Variants in RAB21 observed in about 807,000 individuals in gnomAD.
RAB21 encodes the protein RAB21, member RAS oncogene family.
Under a neutral mutation model 33.1 loss-of-function variants are expected in RAB21, and 13 were observed. The ratio of observed to expected loss-of-function variants is 0.39; its 90% CI spans 0.26 to 0.62. The LOEUF (loss-of-function observed/expected upper bound fraction) is 0.62. Ranked by LOEUF, RAB21 falls within the 20% of genes least tolerant of loss-of-function variation. The pLI is 0.48. For missense variants in RAB21, 234 were observed against 279.1 expected (o/e 0.84, Z 1.15); for synonymous variants, 91 against 103.7 (o/e 0.88, Z 0.74).
chr12:71,782,928 G>A (rs934606991), intron 6 of RAB21, among the ~76,000 whole-genome samples: 4 of 152,018 alleles, frequency 2.6e-5, no homozygotes, highest in African/African-American at 4.8e-5. Flanking sequence ...AGTATTAAAA[G>A]TGGAAGGGGA....
In RAB21 at chr12:71,786,396, T is replaced by C. The variant is rs1449177214; in HGVS notation, c.*723T>C. The stretch of plus-strand genomic sequence containing the variant: ...CCTTTGTATTTTGTGGTAGTTGAAA[T>C]TGTATCACTTCTAAACAGCAAACTG... On this transcript the variant is annotated 3_prime_UTR_variant, in exon 7 of 7. Coordinates refer to ENST00000261263, the MANE Select transcript of RAB21 (RefSeq NM_014999.4). 2 of 152,664 alleles carry C rather than the reference T, an allele frequency of 1.3e-5. No individual in the cohort carries two copies. Among genetic ancestry groups the C allele is most frequent in the African/African-American group, 4.8e-5 (2 of 41,462 alleles). The allele number at this position is 152,664 out of a possible 1,614,324, so 9.5% of individuals were successfully genotyped here. A position where few individuals can be genotyped will look rare whatever the true frequency, so the allele number is the denominator to read the frequency against.
chr12:71,757,936 C>A (rs1179409282), intron 1 of RAB21, among the ~76,000 whole-genome samples: 1 of 151,808 alleles, frequency 6.6e-6, no homozygotes, highest in Non-Finnish European at 1.5e-5. Flanking sequence ...GTGATTGTCC[C>A]CCTTTTTTTT....
intron 4 of RAB21, among the ~76,000 whole-genome samples, chr12:71,776,327 A>C (rs1472158344): frequency 6.6e-6 from 1 of 152,162 alleles, no homozygotes; most frequent in Non-Finnish European, 1.5e-5. Context: ...TCAATGAAGT[A>C]CCTTTTATGT....
rs200429356 is a variant in RAB21, at chr12:71,785,682, G to A, written c.*9G>A. 2.2e-3 allele frequency: 3,554 copies of A among 1,613,890 alleles called. 10 individuals carry two copies. The highest frequency in any genetic ancestry group is 5.0e-3 in the South Asian group (452 of 91,044). On this transcript the variant is annotated 3_prime_UTR_variant, in exon 7 of 7. Coordinates refer to ENST00000261263, the MANE Select transcript of RAB21 (RefSeq NM_014999.4). ...GCTGTTCTTCTGGATAACTGTTCAC[G>A]CCTAAGAAATTAAAAGACAGAACAA... is the stretch of plus-strand genomic sequence containing the variant.
At chr12:71,781,583 T>G (rs186025563) in intron 4 of RAB21, among the ~76,000 whole-genome samples, 1 of 152,320 alleles carries the variant, frequency 6.6e-6, no homozygotes, top group Admixed American at 6.5e-5. Flanking sequence ...CCAAAATACT[T>G]GTAGGATCCA....
At chr12:71,777,715 C>T (rs1260075486) in intron 4 of RAB21, among the ~76,000 whole-genome samples, 2 of 152,146 alleles carry the variant, frequency 1.3e-5, no homozygotes, top group East Asian at 3.8e-4. Flanking sequence ...TTCTCTAGAT[C>T]AGCTGTTTTT....
chr12:71,756,888 A>G (rs1238925620), intron 1 of RAB21, among the ~76,000 whole-genome samples: 1 of 152,206 alleles, frequency 6.6e-6, no homozygotes, highest in Non-Finnish European at 1.5e-5. Context: ...TTTAGTGGAT[A>G]GCCCTACAGC....
intron 2 of RAB21, 92 bp from the exon 3 acceptor site, chr12:71,770,500 A>G (rs562858912): frequency 4.6e-6 from 4 of 866,670 alleles, no homozygotes; most frequent in Non-Finnish European, 5.6e-6. Context: ...ACTTTATGCC[A>G]TATTTTCCAA....
At position 71,794,656 on chromosome 12, in the gene RAB21, T is replaced by A. The variant is rs1883441879; in HGVS notation, c.*8983T>A. ...GGTTTCACCGTGTTAGCCAGGATGGTCTCTATCTCCTGACCTTGTTATCCG... is the reference window on the plus strand; with the variant it reads ...GGTTTCACCGTGTTAGCCAGGATGGACTCTATCTCCTGACCTTGTTATCCG... On this transcript the variant is annotated 3_prime_UTR_variant, in exon 7 of 7. Coordinates refer to ENST00000261263, the MANE Select transcript of RAB21 (RefSeq NM_014999.4). 1 of 145,968 alleles carries A rather than the reference T, an allele frequency of 6.9e-6. No homozygotes were observed. Among genetic ancestry groups the A allele is most frequent in the South Asian group, 2.1e-4 (1 of 4,696 alleles). 9.0% of individuals were successfully genotyped at this position (145,968 alleles called of 1,614,324 possible).
rs1883295990 is a variant in RAB21 at position 71,786,516 on chromosome 12, TC to T, written c.*845del. 6.6e-6 allele frequency: 1 copy of T among 152,642 alleles called. No homozygotes were observed. Among genetic ancestry groups the T allele is most frequent in the East Asian group, 1.9e-4 (1 of 5,196 alleles). The allele number at this position is 152,642 out of a possible 1,614,324, so 9.5% of individuals were successfully genotyped here. On this transcript the variant is annotated 3_prime_UTR_variant, in exon 7 of 7. Transcript: ENST00000261263. The stretch of plus-strand genomic sequence containing the variant: ...ACTACTTTGATATAATCTGTATACA[TC>T]CTGTATGCTGAGCTGGTAAAATACA...
At chr12:71,758,567 C>T (rs1003072303) in intron 1 of RAB21, among the ~76,000 whole-genome samples, 5 of 151,696 alleles carry the variant, frequency 3.3e-5, no homozygotes, top group Non-Finnish European at 5.9e-5. Context: ...CTGCAGCCTC[C>T]AACTCCTGGG....
Position 71,798,216 on chromosome 12 carries a change from C to T in RAB21, c.*12543C>T, listed in dbSNP as rs1444807492. The T allele has an allele frequency of 6.6e-6, 1 of 152,184 alleles. No individual in the cohort carries two copies. 9.4% of individuals were successfully genotyped at this position (152,184 alleles called of 1,614,324 possible). On this transcript the variant is annotated 3_prime_UTR_variant, in exon 7 of 7. Coordinates refer to ENST00000261263, the MANE Select transcript of RAB21 (RefSeq NM_014999.4). ...ATTCCTACCTTAGCCTCCCAAGTAG[C>T]TGGGACTACAGGTGTGCACCACCAC... is the stretch of plus-strand genomic sequence containing the variant.
At position 71,796,973 on chromosome 12, in the gene RAB21, G is replaced by A. The variant is rs1883471215; in HGVS notation, c.*11300G>A. 2 of 152,188 alleles carry A rather than the reference G, an allele frequency of 1.3e-5. No homozygotes were observed. Among genetic ancestry groups the A allele is most frequent in the South Asian group, 2.1e-4 (1 of 4,832 alleles). 9.4% of individuals were successfully genotyped at this position (152,188 alleles called of 1,614,324 possible). ...AAATTAGTTTTTATTTCATTTGTGG[G>A]TGGTATTGAGAAAAGTGGTGGAAAT... On this transcript the variant is annotated 3_prime_UTR_variant, in exon 7 of 7. Transcript: ENST00000261263.
At chr12:71,766,283 C>G (rs1222406161) in intron 1 of RAB21, among the ~76,000 whole-genome samples, 1 of 152,106 alleles carries the variant, frequency 6.6e-6, no homozygotes, top group African/African-American at 2.4e-5. Context: ...TGTTAGAGAG[C>G]TCAGATCTCA....
In RAB21 at chr12:71,791,872, A is replaced by T. The variant is rs905845737; in HGVS notation, c.*6199A>T. On this transcript the variant is annotated 3_prime_UTR_variant, in exon 7 of 7. Coordinates refer to ENST00000261263, the MANE Select transcript of RAB21 (RefSeq NM_014999.4). ...ACTAGAATCATACTTCTTTTTCTGGAAGTTTTTTTTGAGACAGGGTCTTGC... is the reference window on the plus strand; with the variant it reads ...ACTAGAATCATACTTCTTTTTCTGGTAGTTTTTTTTGAGACAGGGTCTTGC... The T allele has an allele frequency of 1.3e-5, 2 of 152,084 alleles. No individual in the cohort carries two copies. The highest frequency in any genetic ancestry group is 2.9e-5 in the Non-Finnish European group (2 of 68,022). The allele number at this position is 152,084 out of a possible 1,614,324, so 9.4% of individuals were successfully genotyped here. A position where few individuals can be genotyped will look rare whatever the true frequency, so the allele number is the denominator to read the frequency against.
At chr12:71,765,553 A>T (rs1882947018) in intron 1 of RAB21, among the ~76,000 whole-genome samples, 1 of 152,006 alleles carries the variant, frequency 6.6e-6, no homozygotes, top group African/African-American at 2.4e-5. Flanking sequence ...GAGTTTTTCC[A>T]ATGTTATCCC....
intron 1 of RAB21, among the ~76,000 whole-genome samples, chr12:71,767,769 A>G (rs936024290): frequency 6.6e-6 from 1 of 152,198 alleles, no homozygotes; most frequent in Non-Finnish European, 1.5e-5. Context: ...ATGAAAATCC[A>G]ATTTTGGGGA....
intron 6 of RAB21, 130 bp from the exon 7 acceptor site, chr12:71,785,401 A>C: frequency 9.4e-7 from 1 of 1,058,318 alleles, no homozygotes; most frequent in South Asian, 1.7e-5. Context: ...AGCTGACCCA[A>C]TGTTCATTAT....
rs1339088719 is a variant in RAB21, at chr12:71,797,418, G to A, written c.*11745G>A. The A allele has an allele frequency of 6.6e-6, 1 of 151,804 alleles. No homozygotes were observed. Among genetic ancestry groups the A allele is most frequent in the African/African-American group, 2.4e-5 (1 of 41,342 alleles). The allele number at this position is 151,804 out of a possible 1,614,324, so 9.4% of individuals were successfully genotyped here. Reference sequence around the variant, plus strand: ...AGACCAAAGGAGAGAAGATACCTAGGAATAAACAAGTTATATGCGTGACCA... The same window carrying A: ...AGACCAAAGGAGAGAAGATACCTAGAAATAAACAAGTTATATGCGTGACCA... On this transcript the variant is annotated 3_prime_UTR_variant, in exon 7 of 7. Transcript: ENST00000261263.
Sources: gnomAD v4.1 joint callset for allele counts (sites outside exome capture counted in the v4.1 genomes callset) on GRCh38, gnomAD v4.1.1 for gene constraint, MANE v1.5 for transcripts, NCBI Gene and HGNC (gene_info 2026-07-23, HGNC 2026-07-21) for gene names.